The following CSMD1 variants were observed in gnomAD, a reference collection of about 807,000 sequenced individuals.
CSMD1 encodes the protein CUB and Sushi multiple domains 1.
CSMD1 carries 213 observed loss-of-function variants against 417.5 expected under a neutral mutation model. That is an observed-to-expected ratio of 0.51 (90% CI 0.46 to 0.57). CSMD1 has a LOEUF of 0.57. Ranked by LOEUF, CSMD1 falls within the 20% of genes least tolerant of loss-of-function variation. The probability of loss-of-function intolerance (pLI) is 0.00; values close to 1 mark genes in which losing one functional copy is unlikely to be tolerated. For missense variants in CSMD1, 6,923 were observed against 4,529.7 expected (o/e 1.53, Z -15.17); for synonymous variants, 2,862 against 1,736.8 (o/e 1.65, Z -16.11).
intron 1 of CSMD1, among the ~76,000 whole-genome samples, chr8:4,723,055 C>A (rs1046695110): frequency 6.6e-6 from 1 of 152,084 alleles, no homozygotes; most frequent in African/African-American, 2.4e-5. Context: ...CAGTATTGAT[C>A]TCCTTTCAAA....
intron 3 of CSMD1, among the ~76,000 whole-genome samples, chr8:4,127,099 T>A (rs1444802323): frequency 6.6e-6 from 1 of 152,032 alleles, no homozygotes; most frequent in Admixed American, 6.6e-5. Flanking sequence ...TTAACAATCC[T>A]AGTTATCTGA....
intron 2 of CSMD1, among the ~76,000 whole-genome samples, chr8:4,551,995 T>A (rs1332520245): frequency 1.3e-5 from 2 of 152,116 alleles, no homozygotes; most frequent in African/African-American, 4.8e-5. Context: ...CTGGTCACAT[T>A]CTTTAGCAAA....
chr8:3,139,004 G>A (rs1204596047), intron 41 of CSMD1, among the ~76,000 whole-genome samples: 2 of 152,296 alleles, frequency 1.3e-5, no homozygotes, highest in East Asian at 3.9e-4. Flanking sequence ...TACGGCTACT[G>A]GTGGTGACAC....
intron 42 of CSMD1, among the ~76,000 whole-genome samples, chr8:3,117,111 C>G (rs1282483045): frequency 6.6e-6 from 1 of 152,200 alleles, no homozygotes; most frequent in East Asian, 1.9e-4. Flanking sequence ...CACTCTCTCG[C>G]CCAGGCTGGA....
chr8:3,605,341 C>A (rs915661382), intron 8 of CSMD1, among the ~76,000 whole-genome samples: 1 of 152,196 alleles, frequency 6.6e-6, no homozygotes, highest in Non-Finnish European at 1.5e-5. Context: ...GGTTTCTACA[C>A]AGTCCATAAG....
chr8:3,506,243 G>C (rs779226458), intron 10 of CSMD1, among the ~76,000 whole-genome samples: 6 of 152,154 alleles, frequency 3.9e-5, no homozygotes, highest in Non-Finnish European at 7.3e-5. Flanking sequence ...GTGCAGGTGA[G>C]CCAGGCTCTA....
At chr8:4,553,568 T>C (rs1797962702) in intron 2 of CSMD1, among the ~76,000 whole-genome samples, 1 of 152,120 alleles carries the variant, frequency 6.6e-6, no homozygotes, top group East Asian at 1.9e-4. Context: ...TAAGAACACA[T>C]TAAACATTCT....
chr8:3,310,376 A>G (rs1007010), intron 23 of CSMD1, among the ~76,000 whole-genome samples: 20,600 of 152,208 alleles, frequency 0.14, 1,530 homozygotes, highest in Middle Eastern at 0.17. Context: ...CAGCATCTGA[A>G]CAAGTCTTTA....
At chr8:4,166,347 T>A (rs1417411002) in intron 3 of CSMD1, among the ~76,000 whole-genome samples, 1 of 152,228 alleles carries the variant, frequency 6.6e-6, no homozygotes, top group African/African-American at 2.4e-5. Flanking sequence ...ATACGTATTA[T>A]ACACCTACAG....
intron 68 of CSMD1, among the ~76,000 whole-genome samples, chr8:2,946,888 T>C (rs1184256922): frequency 6.6e-6 from 1 of 152,174 alleles, no homozygotes; most frequent in Admixed American, 6.5e-5. Flanking sequence ...TGCCACCCTT[T>C]GCGATTTGAC....
intron 1 of CSMD1, among the ~76,000 whole-genome samples, chr8:4,986,590 C>G (rs939830260): frequency 2.0e-5 from 3 of 151,516 alleles, no homozygotes; most frequent in Non-Finnish European, 4.4e-5. Context: ...GTATACTAAA[C>G]AGTAAAAGAA....
intron 54 of CSMD1, among the ~76,000 whole-genome samples, chr8:2,994,943 A>C (rs1799752795): frequency 6.6e-6 from 1 of 152,224 alleles, no homozygotes. Flanking sequence ...AGACTTTAAA[A>C]TATATCAAAT....
chr8:3,097,434 T>C (rs10866946), intron 46 of CSMD1, among the ~76,000 whole-genome samples: 69,985 of 149,260 alleles, frequency 0.47, 16,163 homozygotes, highest in South Asian at 0.57. Flanking sequence ...AACTCATATT[T>C]ATTTTGGCTT....
At chr8:4,849,077 T>C (rs910408489) in intron 1 of CSMD1, among the ~76,000 whole-genome samples, 1 of 152,114 alleles carries the variant, frequency 6.6e-6, no homozygotes, top group African/African-American at 2.4e-5. Context: ...GGGACAAAAT[T>C]TGGTGGTAGA....
At chr8:3,347,457 A>C (rs1029202585) in intron 22 of CSMD1, among the ~76,000 whole-genome samples, 4 of 152,188 alleles carry the variant, frequency 2.6e-5, no homozygotes, top group Admixed American at 1.3e-4. Flanking sequence ...TCTCCTCATC[A>C]GCCCTGTCTG....
chr8:4,907,583 A>C (rs950984931), intron 1 of CSMD1, among the ~76,000 whole-genome samples: 20 of 152,092 alleles, frequency 1.3e-4, no homozygotes, highest in Non-Finnish European at 2.6e-4. Flanking sequence ...TTTTTGAGAC[A>C]GGTTTTCACT....
chr8:3,566,559 G>C (rs761691875), intron 10 of CSMD1, among the ~76,000 whole-genome samples: 1 of 149,598 alleles, frequency 6.7e-6, no homozygotes, highest in Non-Finnish European at 1.5e-5. Context: ...AGGATGTGAA[G>C]GTTTATTGAA....
chr8:4,111,134 G>A (rs562960076), intron 3 of CSMD1, among the ~76,000 whole-genome samples: 16 of 152,064 alleles, frequency 1.1e-4, no homozygotes, highest in African/African-American at 3.9e-4. Context: ...CTCTGGTTTG[G>A]TTCGTACACT....
At chr8:4,141,561 C>G (rs1035252228) in intron 3 of CSMD1, among the ~76,000 whole-genome samples, 1 of 151,142 alleles carries the variant, frequency 6.6e-6, no homozygotes, top group Non-Finnish European at 1.5e-5. Context: ...GAAGCTCTTA[C>G]AAACCTGTAC....
Sources: allele counts gnomAD v4.1 joint callset (sites outside exome capture counted in the v4.1 genomes callset), GRCh38; gene constraint gnomAD v4.1.1; transcripts MANE v1.5; gene names NCBI Gene and HGNC (gene_info 2026-07-23, HGNC 2026-07-21).